DPH2: variants seen among roughly 807,000 people sequenced by gnomAD.
DPH2 encodes the protein 2-(3-amino-3-carboxypropyl)histidine synthase subunit 2.
Under a neutral mutation model 42.5 loss-of-function variants are expected in DPH2, and 28 were observed. The observed-to-expected ratio is 0.66, with a 90% CI of 0.49 to 0.90. The LOEUF (loss-of-function observed/expected upper bound fraction) is 0.90, where lower values mean the gene tolerates loss of function less well. Among genes scored for constraint, DPH2 ranks in the 40% least tolerant of loss-of-function variants. DPH2 has a pLI of 0.00. For synonymous variants in DPH2, 279 were observed against 264.4 expected (o/e 1.06, Z -0.53); for missense variants, 576 against 636.0 (o/e 0.91, Z 1.01).
Position 43,970,670 on chromosome 1 carries a change from G to A in DPH2, c.222G>A (p.Gly74=), listed in dbSNP as rs550586020. The A allele has an allele frequency of 1.4e-5, 23 of 1,614,202 alleles. No individual in the cohort carries two copies. The African/African-American group carries it at 2.5e-4, about 18-fold the overall frequency. Residue 74 remains glycine (G), a synonymous_variant, in exon 2 of 6, where the codon GGG becomes GGA. Transcript: ENST00000255108. ...CTGCACGACTGGAGGAGACGACAGG[G>A]TCAAAGATGTTCATTCTGGGTGACA... ...AVAARLEETT[G]SKMFILGDTA...
chr1:43,970,460 C>T, intron 1 of DPH2, 136 bp from the exon 2 acceptor site: 1 of 1,515,166 alleles, frequency 6.6e-7, no homozygotes, highest in Non-Finnish European at 9.0e-7. Flanking sequence ...TCCCTCCCTT[C>T]CACCTACTAC....
In DPH2 at chr1:43,972,156, AGGCTCTCCCTTCCACGT is replaced by A; in HGVS notation, c.1177_1193del (p.Phe393ThrfsTer3). ...TGGATTTTCTTTCCTCCTCCCTTTC[AGGCTCTCCCTTCCACGT>A]GGCTCTCCCACCACCTGAGTCAGAG... is the stretch of plus-strand genomic sequence containing the variant. On this transcript the variant is annotated splice_acceptor_variant and coding_sequence_variant, in exon 5 of 6. Transcript: ENST00000255108. LOFTEE classifies it high-confidence loss of function. The A allele has an allele frequency of 6.2e-7, 1 of 1,612,756 alleles. No individual in the cohort carries two copies. Among genetic ancestry groups the A allele is most frequent in the South Asian group, 1.1e-5 (1 of 91,012 alleles).
Position 43,972,433 on chromosome 1 carries a change from G to C in DPH2, c.1364G>C (p.Arg455Pro). Residue 455 changes from arginine to proline, a missense_variant, in exon 6 of 6, where the codon CGG (arginine) becomes CCG (proline). Physicochemically the swap from Arg to Pro is moderately radical, Grantham distance 103. Coordinates refer to ENST00000255108, the MANE Select transcript of DPH2 (RefSeq NM_001384.5). The part of the protein sequence containing the change: ...SSPAASFLSS[R>P]SWQGLEPRLG... Reference sequence around the variant, plus strand: ...TCTACAGCCTCATTCCTTAGTTCCCGGAGCTGGCAAGGGCTGGAGCCCCGC... The same window carrying C: ...TCTACAGCCTCATTCCTTAGTTCCCCGAGCTGGCAAGGGCTGGAGCCCCGC... 6.2e-7 allele frequency: 1 copy of C among 1,614,222 alleles called. No homozygotes were observed. The highest frequency in any genetic ancestry group is 8.5e-7 in the Non-Finnish European group (1 of 1,180,048).
At position 43,971,028 on chromosome 1, in the gene DPH2, C is replaced by T; in HGVS notation, c.323C>T (p.Pro108Leu). The change falls in exon 3 of 6, where the codon CCT becomes CTT. Residue 108 changes from proline (P) to leucine (L), a missense_variant. Transcript: ENST00000255108. The stretch of plus-strand genomic sequence containing the variant: ...GCTCAGGCTCTCATACATTTTGGCC[C>T]TGCCTGCTTAAGCCCTCCAGCCCGC... ...AGAQALIHFG[P>L]ACLSPPARPL... 1.3e-6 allele frequency: 2 copies of T among 1,584,850 alleles called. No individual in the cohort carries two copies. Among genetic ancestry groups the T allele is most frequent in the Non-Finnish European group, 1.7e-6 (2 of 1,164,708 alleles).
intron 5 of DPH2, 31 bp downstream of exon 5, chr1:43,972,365 G>A: frequency 6.2e-7 from 1 of 1,613,492 alleles, no homozygotes; most frequent in East Asian, 2.2e-5. Flanking sequence ...TCCCAGCTGA[G>A]CTTTTTCTCC....
Position 43,971,596 on chromosome 1 carries a change from C to A in DPH2, c.694C>A (p.Pro232Thr). 1 of 1,613,954 alleles carries A rather than the reference C, an allele frequency of 6.2e-7. No homozygotes were observed. Reference protein sequence around the residue: ...SKASPDPDLDPDLSRLLLGWA... With the variant: ...SKASPDPDLDTDLSRLLLGWA... ...GGCCAGCCCTGACCCAGACCTTGACCCAGACCTGAGTCGGCTGCTCTTGGG... is the reference window on the plus strand; with the variant it reads ...GGCCAGCCCTGACCCAGACCTTGACACAGACCTGAGTCGGCTGCTCTTGGG... Residue 232 changes from proline to threonine, a missense_variant, in exon 4 of 6, where the codon CCA becomes ACA. Physicochemically the swap from Pro to Thr is conservative, Grantham distance 38. Around this residue, in one of 3 missense-constraint regions of DPH2, gnomAD observed 395 missense variants for 435.2 expected, o/e 0.91. Coordinates refer to ENST00000255108, the MANE Select transcript of DPH2 (RefSeq NM_001384.5).
At position 43,971,808 on chromosome 1, in the gene DPH2, C is replaced by T. The variant is rs368767576; in HGVS notation, c.906C>T (p.His302=). ...GVAQHREALA[H]LRNLTQAAGK... ...CCCAACACCGTGAGGCACTGGCCCA[C>T]TTGCGGAACCTGACTCAGGCTGCTG... The change falls in exon 4 of 6, where the codon CAC becomes CAT. Residue 302 remains histidine (H), a synonymous_variant. Transcript: ENST00000255108. The T allele has an allele frequency of 2.3e-5, 37 of 1,611,998 alleles. No individual in the cohort carries two copies. The highest frequency in any genetic ancestry group is 8.3e-5 in the Admixed American group (5 of 60,012).
In DPH2 at chr1:43,971,569, A is replaced by G; in HGVS notation, c.667A>G (p.Lys223Glu). Residue 223 changes from lysine (K) to glutamate (E), a missense_variant, in exon 4 of 6, where the codon AAG becomes GAG. Physicochemically the swap from Lys to Glu is moderately conservative, Grantham distance 56. This residue lies in a region of DPH2 where 395 missense variants were observed against 435.2 expected (regional missense o/e 0.91). Coordinates refer to ENST00000255108, the MANE Select transcript of DPH2 (RefSeq NM_001384.5). Reference sequence around the variant, plus strand: ...TGGTGCCTTCTATGTAGGGGGCTCTAAGGCCAGCCCTGACCCAGACCTTGA... The same window carrying G: ...TGGTGCCTTCTATGTAGGGGGCTCTGAGGCCAGCCCTGACCCAGACCTTGA... ...EYGAFYVGGS[K>E]ASPDPDLDPD... 5.6e-6 allele frequency: 9 copies of G among 1,614,136 alleles called. No homozygotes were observed. Among genetic ancestry groups the G allele is most frequent in the Non-Finnish European group, 7.6e-6 (9 of 1,179,986 alleles).
In DPH2 at chr1:43,970,651, G is replaced by C. The variant is rs1028015745; in HGVS notation, c.203G>C (p.Arg68Pro). ...GGAGATGCTGTGGCTGTGGCTGCAC[G>C]ACTGGAGGAGACGACAGGGTCAAAG... ...LLGDAVAVAA[R>P]LEETTGSKMF... The change falls in exon 2 of 6, where the codon CGA (arginine) becomes CCA (proline). Residue 68 changes from arginine (R) to proline (P), a missense_variant. This residue lies in a region of DPH2 where 395 missense variants were observed against 435.2 expected (regional missense o/e 0.91). Coordinates refer to ENST00000255108, the MANE Select transcript of DPH2 (RefSeq NM_001384.5). The C allele has an allele frequency of 6.2e-7, 1 of 1,614,156 alleles. No individual in the cohort carries two copies. The highest frequency in any genetic ancestry group is 8.5e-7 in the Non-Finnish European group (1 of 1,180,032).
Position 43,971,044 on chromosome 1 carries a change from T to C in DPH2, c.339T>C (p.Pro113=). The stretch of plus-strand genomic sequence containing the variant: ...ATTTTGGCCCTGCCTGCTTAAGCCC[T>C]CCAGCCCGCCCACTGCCCGTTGCCT... ...LIHFGPACLS[P]PARPLPVAFV... The change falls in exon 3 of 6, where the codon CCT becomes CCC. Residue 113 remains proline (P), a synonymous_variant. Coordinates refer to ENST00000255108, the MANE Select transcript of DPH2 (RefSeq NM_001384.5). The C allele has an allele frequency of 6.3e-7, 1 of 1,578,742 alleles. No individual in the cohort carries two copies. The highest frequency in any genetic ancestry group is 8.6e-7 in the Non-Finnish European group (1 of 1,161,284).
Position 43,972,398 on chromosome 1 carries a change from G to C in DPH2, c.1346-17G>C, listed in dbSNP as rs763610967. 8.7e-6 allele frequency: 14 copies of C among 1,614,094 alleles called. No individual in the cohort carries two copies. In the South Asian group the frequency reaches 1.5e-4, roughly 18 times the overall value. Reference sequence around the variant, plus strand: ...TCCAGATGCAGCGCACTCAGACTGAGCCCCCTCCCTCTACAGCCTCATTCC... The same window carrying C: ...TCCAGATGCAGCGCACTCAGACTGACCCCCCTCCCTCTACAGCCTCATTCC... On this transcript the variant is annotated splice_polypyrimidine_tract_variant and intron_variant, in intron 5 of 5. Transcript: ENST00000255108.
At chr1:43,970,407 G>A (rs925991406) in intron 1 of DPH2, 85 bp downstream of exon 1, 3 of 1,568,328 alleles carry the variant, frequency 1.9e-6, no homozygotes, top group South Asian at 1.2e-5. Context: ...TTTTGTGAGG[G>A]CGAGAGGGTG....
Position 43,970,185 on chromosome 1 carries a change from A to C in DPH2, c.10A>C (p.Met4Leu). 4 of 1,613,892 alleles carry C rather than the reference A, an allele frequency of 2.5e-6. No homozygotes were observed. The highest frequency in any genetic ancestry group is 3.4e-6 in the Non-Finnish European group (4 of 1,179,914). MESMFSSPAEAALQ... is the reference protein window; with the variant it reads MESLFSSPAEAALQ... Reference sequence around the variant, plus strand: ...ACCCAAGCTGTGCCTCATGGAGTCGATGTTTAGCAGCCCTGCCGAGGCGGC... The same window carrying C: ...ACCCAAGCTGTGCCTCATGGAGTCGCTGTTTAGCAGCCCTGCCGAGGCGGC... Residue 4 changes from methionine (M) to leucine (L), a missense_variant, in exon 1 of 6, where the codon ATG becomes CTG. Around this residue, in one of 3 missense-constraint regions of DPH2, gnomAD observed 395 missense variants for 435.2 expected, o/e 0.91. Transcript: ENST00000255108.
Position 43,972,198 on chromosome 1 carries a change from G to C in DPH2, c.1209G>C (p.Glu403Asp). 6.2e-7 allele frequency: 1 copy of C among 1,614,192 alleles called. No homozygotes were observed. The highest frequency in any genetic ancestry group is 8.5e-7 in the Non-Finnish European group (1 of 1,180,028). The change falls in exon 5 of 6, where the codon GAG becomes GAC. Residue 403 changes from glutamate (E) to aspartate (D), a missense_variant. Around this residue, in one of 3 missense-constraint regions of DPH2, gnomAD observed 178 missense variants for 184.4 expected, o/e 0.97. Transcript: ENST00000255108. ...FHVALPPPES[E>D]LWETPDVSLI... Reference sequence around the variant, plus strand: ...TGGCTCTCCCACCACCTGAGTCAGAGCTGTGGGAAACCCCAGACGTGTCAC... The same window carrying C: ...TGGCTCTCCCACCACCTGAGTCAGACCTGTGGGAAACCCCAGACGTGTCAC...
chr1:43,970,776 A>G lies in DPH2; in HGVS notation c.260+68A>G, dbSNP rs548765835. On this transcript the variant is annotated intron_variant, in intron 2 of 5. Coordinates refer to ENST00000255108, the MANE Select transcript of DPH2 (RefSeq NM_001384.5). ...GCTCATGGGGTTTTACGTCTATGAC[A>G]GTGATTGCCTTCAATGGTGGTGTTT... The G allele has an allele frequency of 1.9e-5, 28 of 1,461,890 alleles. No homozygotes were observed. In the East Asian group the frequency reaches 2.5e-4, roughly 13 times the overall value. The allele number at this position is 1,461,890 out of a possible 1,614,324, so 90.6% of individuals were successfully genotyped here. A position where few individuals can be genotyped will look rare whatever the true frequency, so the allele number is the denominator to read the frequency against.
chr1:43,972,758 A>G lies in DPH2; in HGVS notation c.*219A>G. ...GTAATGCGTGTTGTTTGGCTGATGGAATAAAGGGCTTAGGGACTTCCCTGA... is the reference window on the plus strand; with the variant it reads ...GTAATGCGTGTTGTTTGGCTGATGGGATAAAGGGCTTAGGGACTTCCCTGA... On this transcript the variant is annotated 3_prime_UTR_variant, in exon 6 of 6. Transcript: ENST00000255108. The G allele has an allele frequency of 1.6e-6, 1 of 623,362 alleles. No homozygotes were observed. 38.6% of individuals were successfully genotyped at this position (623,362 alleles called of 1,614,324 possible). A position where few individuals can be genotyped will look rare whatever the true frequency, so the allele number is the denominator to read the frequency against.
chr1:43,972,212 C>G lies in DPH2; in HGVS notation c.1223C>G (p.Pro408Arg), dbSNP rs774162899. The change falls in exon 5 of 6, where the codon CCA (proline) becomes CGA (arginine). Residue 408 changes from proline (P) to arginine (R), a missense_variant. Physicochemically the swap from Pro to Arg is moderately radical, Grantham distance 103 (BLOSUM62 -2). This residue lies in a region of DPH2 where 178 missense variants were observed against 184.4 expected (regional missense o/e 0.97). Coordinates refer to ENST00000255108, the MANE Select transcript of DPH2 (RefSeq NM_001384.5). The stretch of plus-strand genomic sequence containing the variant: ...CCTGAGTCAGAGCTGTGGGAAACCC[C>G]AGACGTGTCACTCATTACTGGAGAT... ...PPPESELWET[P>R]DVSLITGDLR... 5.0e-6 allele frequency: 8 copies of G among 1,614,092 alleles called. No individual in the cohort carries two copies. Among genetic ancestry groups the G allele is most frequent in the Non-Finnish European group, 6.8e-6 (8 of 1,180,040 alleles).
Position 43,971,201 on chromosome 1 carries a change from T to C in DPH2, c.484+12T>C, listed in dbSNP as rs1392446527. ...TGCCCATGCCCTGGGTAAGGGGTTT[T>C]GCCTGTGTATGCACAAAGGGTGAGC... On this transcript the variant is annotated intron_variant, in intron 3 of 5. Transcript: ENST00000255108. The C allele has an allele frequency of 6.4e-7, 1 of 1,550,576 alleles. No individual in the cohort carries two copies. Among genetic ancestry groups the C allele is most frequent in the South Asian group, 1.2e-5 (1 of 84,414 alleles).
In DPH2 at chr1:43,970,230, G is replaced by T. The variant is rs749663452; in HGVS notation, c.55G>T (p.Val19Leu). The T allele has an allele frequency of 6.2e-7, 1 of 1,614,132 alleles. No individual in the cohort carries two copies. Among genetic ancestry groups the T allele is most frequent in the Non-Finnish European group, 8.5e-7 (1 of 1,180,058 alleles). ...GGCGGCGCTGCAGCGAGAGACCGGG[G>T]TGCCAGGACTGCTTACTCCTCTTCC... is the stretch of plus-strand genomic sequence containing the variant. ...AEAALQRETG[V>L]PGLLTPLPDL... Residue 19 changes from valine (V) to leucine (L), a missense_variant, in exon 1 of 6, where the codon GTG becomes TTG. By Grantham distance (32) the Val-to-Leu change is conservative (BLOSUM62 1). Transcript: ENST00000255108.
Sources: gnomAD v4.1 joint callset for allele counts on GRCh38, gnomAD v4.1.1 for gene constraint, gnomAD v4.1.1 regional missense constraint, MANE v1.5 for transcripts, NCBI Gene and HGNC (gene_info 2026-07-23, HGNC 2026-07-21) for gene names.